MED24: variants seen among roughly 807,000 people sequenced by gnomAD.
MED24 encodes mediator of RNA polymerase II transcription subunit 24.
In MED24, 74 loss-of-function variants were observed where a neutral mutation model predicts 118.8. The ratio of observed to expected loss-of-function variants is 0.62; its 90% CI spans 0.52 to 0.76. The LOEUF is 0.76. Among genes scored for constraint, MED24 ranks in the 30% least tolerant of loss-of-function variants. The pLI, the probability that MED24 is intolerant of heterozygous loss-of-function variation, is 0.00. For synonymous variants in MED24, 521 were observed against 523.9 expected (o/e 0.99, Z 0.08); for missense variants, 1,041 against 1,278.9 (o/e 0.81, Z 2.84).
At chr17:40,028,107 GTTTT>G (rs1411405761) in intron 14 of MED24, 161 bp from the exon 15 acceptor site, 1 of 709,176 alleles carries the variant, frequency 1.4e-6, no homozygotes, top group Non-Finnish European at 2.3e-6. Context: ...TGTGGTTTTT[GTTTT>G]TTGTTTTTTT....
chr17:40,034,540 CG>C (rs567579323), intron 6 of MED24, among the ~76,000 whole-genome samples: 68 of 152,290 alleles, frequency 4.5e-4, no homozygotes, highest in Admixed American at 2.3e-3. Flanking sequence ...TCTTCCCTCC[CG>C]CCAGGTGATC....
chr17:40,025,333 G>A (rs1050483912), intron 19 of MED24, among the ~76,000 whole-genome samples: 9 of 152,032 alleles, frequency 5.9e-5, no homozygotes, highest in African/African-American at 1.9e-4. Context: ...AAAATTAGCC[G>A]GCTGTGGGCC....
intron 3 of MED24, among the ~76,000 whole-genome samples, chr17:40,051,183 C>A (rs193086464): frequency 6.8e-6 from 1 of 146,490 alleles, no homozygotes; most frequent in African/African-American, 2.5e-5. Flanking sequence ...TGGTGGTGGG[C>A]GCCTGTAATC....
Position 40,026,225 on chromosome 17 carries a change from G to A in MED24, c.1916C>T (p.Ser639Leu), listed in dbSNP as rs761221311. ...TGCCAGCTGGCGGATCATCTGCAGC[G>A]ACTTCTCACGCTCATCCAGCCCCAG... ...RMLGLDEREKSLQMIRQLAGP... is the reference protein window; with the variant it reads ...RMLGLDEREKLLQMIRQLAGP... Residue 639 changes from serine to leucine, a missense_variant, in exon 19 of 26, where the codon TCG (serine) becomes TTG (leucine). Around this residue, in one of 3 missense-constraint regions of MED24, gnomAD observed 587 missense variants for 694.4 expected, o/e 0.85. Transcript: ENST00000394128. The A allele has an allele frequency of 3.7e-6, 6 of 1,614,136 alleles. No individual in the cohort carries two copies. The highest frequency in any genetic ancestry group is 2.7e-5 in the African/African-American group (2 of 75,040).
chr17:40,019,894 C>T lies in MED24; in HGVS notation c.2744G>A (p.Arg915His), dbSNP rs778911202. 1.3e-4 allele frequency: 198 copies of T among 1,576,696 alleles called. No individual in the cohort carries two copies. Among genetic ancestry groups the T allele is most frequent in the South Asian group, 8.1e-4 (70 of 86,402 alleles). ...GAACTGGGTGTGGGGGCCAGCGGTG[C>T]GAGACCCCAGGATGGAGGAGATGAG... ...FLLISSILGSRTAGPHTQFVQ... is the reference protein window; with the variant it reads ...FLLISSILGSHTAGPHTQFVQ... The change falls in exon 25 of 26, where the codon CGC becomes CAC. Residue 915 changes from arginine to histidine, a missense_variant. Transcript: ENST00000394128.
intron 3 of MED24, among the ~76,000 whole-genome samples, chr17:40,047,357 C>A (rs886210268): frequency 1.3e-5 from 2 of 151,922 alleles, no homozygotes; most frequent in Admixed American, 6.6e-5. Flanking sequence ...TGGGTACATA[C>A]AATTGCTAAA....
intron 23 of MED24, 157 bp from the exon 24 acceptor site, chr17:40,020,510 A>G (rs1481267817): frequency 1.3e-6 from 2 of 1,510,926 alleles, no homozygotes; most frequent in Non-Finnish European, 1.8e-6. Flanking sequence ...AAGGGAGGCC[A>G]GGTACAGTGG....
chr17:40,035,445 G>A (rs1983824958), intron 5 of MED24, 96 bp from the exon 6 acceptor site: 1 of 1,304,966 alleles, frequency 7.7e-7, no homozygotes, highest in Non-Finnish European at 1.0e-6. Flanking sequence ...TCCCCTACTA[G>A]GGACTAGGGC....
At position 40,029,849 on chromosome 17, in the gene MED24, G is replaced by A. The variant is rs370345245; in HGVS notation, c.1165C>T (p.Arg389Ter). Reference protein sequence around the residue: ...NNLMAKRKADREHAPQQKSGE... With the variant: ...NNLMAKRKAD ...GATTTCTGCTGGGGTGCGTGCTCTC[G>A]GTCCGCTTTGCTGTGGACATCACCA... is the stretch of plus-strand genomic sequence containing the variant. Residue 389 changes from arginine (R) to a stop codon, truncating the protein, a stop_gained, in exon 13 of 26, where the codon CGA becomes TGA. Transcript: ENST00000394128. LOFTEE classifies it high-confidence loss of function. 6.8e-6 allele frequency: 11 copies of A among 1,613,942 alleles called. No homozygotes were observed. Among genetic ancestry groups the A allele is most frequent in the South Asian group, 2.2e-5 (2 of 91,080 alleles).
At chr17:40,032,115 A>C (rs750081377) in intron 9 of MED24, 25 bp from the exon 10 acceptor site, 1 of 1,611,620 alleles carries the variant, frequency 6.2e-7, no homozygotes, top group East Asian at 2.2e-5. Context: ...AGGGGGAAAA[A>C]CAGGAAGATC....
chr17:40,037,160 G>A (rs112134920), intron 3 of MED24, among the ~76,000 whole-genome samples: 7 of 151,918 alleles, frequency 4.6e-5, no homozygotes, highest in Non-Finnish European at 1.0e-4. Flanking sequence ...TAACCTGGGT[G>A]ACAGAGTGAG....
chr17:40,033,512 C>T lies in MED24; in HGVS notation c.560-56G>A. 4.1e-6 allele frequency: 6 copies of T among 1,453,558 alleles called. No individual in the cohort carries two copies. In the Admixed American group the frequency reaches 1.2e-4, roughly 29 times the overall value. 90.0% of individuals were successfully genotyped at this position (1,453,558 alleles called of 1,614,324 possible). On this transcript the variant is annotated intron_variant, in intron 6 of 25. Transcript: ENST00000394128. The surrounding 1 kb of genome is among the most constrained non-coding windows in gnomAD (Gnocchi z 5.2). ...ATGGGAAACAGGAGAGAAGGAGCAC[C>T]TGGCCCTGAACTCCTCGATTTTGGC... is the stretch of plus-strand genomic sequence containing the variant.
chr17:40,026,774 G>T, intron 17 of MED24, 28 bp from the exon 18 acceptor site: 1 of 1,611,044 alleles, frequency 6.2e-7, no homozygotes, highest in Non-Finnish European at 8.5e-7. Context: ...AGTCAGCACA[G>T]GGGAGCAAGG....
chr17:40,027,238 G>T, intron 16 of MED24, 145 bp downstream of exon 16: 1 of 1,118,314 alleles, frequency 8.9e-7, no homozygotes, highest in Non-Finnish European at 1.3e-6. Flanking sequence ...TGCCTCTACG[G>T]ACTCCAGCCC....
At chr17:40,037,708 A>G (rs762366546) in intron 3 of MED24, among the ~76,000 whole-genome samples, 17 of 152,138 alleles carry the variant, frequency 1.1e-4, no homozygotes, top group Non-Finnish European at 2.2e-4. Flanking sequence ...TCAAGAGATC[A>G]AGACCATCCT....
In MED24 at chr17:40,023,404, G is replaced by A; in HGVS notation, c.1986-9C>T. On this transcript the variant is annotated splice_polypyrimidine_tract_variant and intron_variant, in intron 19 of 25. Transcript: ENST00000394128. ...AGTTCATGATCACCACCCTGGGGGA[G>A]GGCCGAGAGAACCTGAGGCTCAGGT... 1 of 1,574,678 alleles carries A rather than the reference G, an allele frequency of 6.4e-7. No individual in the cohort carries two copies. Among genetic ancestry groups the A allele is most frequent in the Non-Finnish European group, 8.6e-7 (1 of 1,158,244 alleles).
chr17:40,044,408 T>C (rs1221887473), intron 3 of MED24, among the ~76,000 whole-genome samples: 6 of 150,840 alleles, frequency 4.0e-5, no homozygotes, highest in Non-Finnish European at 7.4e-5. Flanking sequence ...TAATCCCAGC[T>C]ACTCGGGAGG....
At chr17:40,050,392 AGCAGAGATCACGCCACTG>A in intron 3 of MED24, among the ~76,000 whole-genome samples, 1 of 152,202 alleles carries the variant, frequency 6.6e-6, no homozygotes, top group East Asian at 1.9e-4. Flanking sequence ...GGTCACAGTA[AGCAGAGATCACGCCACTG>A]CACTCCACCC....
Position 40,033,502 on chromosome 17 carries a change from G to T in MED24, c.560-46C>A. On this transcript the variant is annotated intron_variant, in intron 6 of 25. Transcript: ENST00000394128. The surrounding 1 kb of genome is among the most constrained non-coding windows in gnomAD (Gnocchi z 5.2). ...CAGAAACATGATGGGAAACAGGAGA[G>T]AAGGAGCACCTGGCCCTGAACTCCT... The T allele has an allele frequency of 6.7e-7, 1 of 1,491,166 alleles. No homozygotes were observed. 92.4% of individuals were successfully genotyped at this position (1,491,166 alleles called of 1,614,324 possible). A position where few individuals can be genotyped will look rare whatever the true frequency, so the allele number is the denominator to read the frequency against.
Sources: allele counts gnomAD v4.1 joint callset (sites outside exome capture counted in the v4.1 genomes callset), GRCh38; gene constraint gnomAD v4.1.1; regional missense constraint gnomAD v4.1.1; non-coding constraint Gnocchi (gnomAD v3.1); transcripts MANE v1.5; gene names NCBI Gene and HGNC (gene_info 2026-07-23, HGNC 2026-07-21).